The following SLC25A13 variants were observed in gnomAD, a reference collection of about 807,000 sequenced individuals.
The protein encoded by SLC25A13 is electrogenic aspartate/glutamate antiporter SLC25A13, mitochondrial.
A neutral mutation model predicts 85.5 loss-of-function variants in SLC25A13; 70 were observed. The observed-to-expected ratio is 0.82, with a 90% CI of 0.68 to 1.00. SLC25A13 has a LOEUF of 1.00. Among genes scored for constraint, SLC25A13 ranks in the 50% least tolerant of loss-of-function variants. The pLI is 0.00. For missense variants in SLC25A13, 765 were observed against 819.8 expected (o/e 0.93, Z 0.82); for synonymous variants, 259 against 288.7 (o/e 0.90, Z 1.04).
chr7:96,317,613 A>G (rs1800178552), intron 1 of SLC25A13, among the ~76,000 whole-genome samples: 1 of 151,948 alleles, frequency 6.6e-6, no homozygotes, highest in Non-Finnish European at 1.5e-5. Context: ...AGCAATTTTC[A>G]GAAGACTTCC....
At chr7:96,221,906 T>C (rs2116764561) in intron 4 of SLC25A13, among the ~76,000 whole-genome samples, 1 of 152,284 alleles carries the variant, frequency 6.6e-6, no homozygotes, top group East Asian at 1.9e-4. Flanking sequence ...ATCAGAGAAT[T>C]AACTAACTGA....
intron 3 of SLC25A13, among the ~76,000 whole-genome samples, chr7:96,265,496 C>G (rs116752913): frequency 3.9e-5 from 6 of 152,296 alleles, no homozygotes; most frequent in African/African-American, 1.2e-4. Flanking sequence ...AACAACTGCT[C>G]AAGTACTTTT....
chr7:96,314,416 T>TA (rs1472183946), intron 1 of SLC25A13, among the ~76,000 whole-genome samples: 1 of 152,070 alleles, frequency 6.6e-6, no homozygotes, highest in Non-Finnish European at 1.5e-5. Context: ...GCCATGAAAA[T>TA]AGAGTTTGCT....
intron 15 of SLC25A13, among the ~76,000 whole-genome samples, chr7:96,131,187 G>A (rs756016147): frequency 2.0e-5 from 3 of 152,044 alleles, no homozygotes; most frequent in Non-Finnish European, 4.4e-5. Flanking sequence ...ATTTTCTATC[G>A]ATGTTTTCAA....
At chr7:96,217,516 G>C (rs1349329798) in intron 4 of SLC25A13, among the ~76,000 whole-genome samples, 1 of 151,620 alleles carries the variant, frequency 6.6e-6, no homozygotes, top group African/African-American at 2.4e-5. Context: ...AACAAAATGT[G>C]ACCTATCTAT....
At chr7:96,158,770 G>GT (rs1793385001) in intron 13 of SLC25A13, among the ~76,000 whole-genome samples, 1 of 152,212 alleles carries the variant, frequency 6.6e-6, no homozygotes, top group African/African-American at 2.4e-5. Flanking sequence ...AGTAATAAAT[G>GT]TCTAGTGATT....
At chr7:96,304,380 T>G (rs1038426398) in intron 1 of SLC25A13, among the ~76,000 whole-genome samples, 1 of 152,182 alleles carries the variant, frequency 6.6e-6, no homozygotes, top group Non-Finnish European at 1.5e-5. Context: ...ATCAGAAGGA[T>G]TCAGTAGGTT....
intron 1 of SLC25A13, among the ~76,000 whole-genome samples, chr7:96,316,547 A>T (rs908117738): frequency 2.6e-5 from 4 of 152,130 alleles, no homozygotes; most frequent in Admixed American, 2.6e-4. Context: ...AAGAGCAGAG[A>T]CTCTGAAGAC....
intron 11 of SLC25A13, among the ~76,000 whole-genome samples, chr7:96,175,398 A>G (rs1202048985): frequency 6.6e-6 from 1 of 152,232 alleles, no homozygotes; most frequent in East Asian, 1.9e-4. Flanking sequence ...GACAACAGCC[A>G]ATATTTGGGG....
rs568539626 is a variant in SLC25A13, at chr7:96,296,763, G to A, written c.69+135C>T. ...CCCAAAGTGCTGGGATTACAGGCATGAGCCACCGTGCCGGGCTGACACTTT... is the reference window on the plus strand; with the variant it reads ...CCCAAAGTGCTGGGATTACAGGCATAAGCCACCGTGCCGGGCTGACACTTT... On this transcript the variant is annotated intron_variant, in intron 2 of 17. Coordinates refer to ENST00000265631, the MANE Select transcript of SLC25A13 (RefSeq NM_014251.3). 6.0e-6 allele frequency: 5 copies of A among 835,390 alleles called. No individual in the cohort carries two copies. The East Asian group carries it at 1.4e-4, about 24-fold the overall frequency. The allele number at this position is 835,390 out of a possible 1,614,324, so 51.7% of individuals were successfully genotyped here. A position where few individuals can be genotyped will look rare whatever the true frequency, so the allele number is the denominator to read the frequency against.
chr7:96,170,810 C>T (rs1793962580), intron 12 of SLC25A13, among the ~76,000 whole-genome samples: 1 of 152,162 alleles, frequency 6.6e-6, no homozygotes, highest in Non-Finnish European at 1.5e-5. Flanking sequence ...TAGAGTTTTA[C>T]TTTCTGGGGC....
chr7:96,184,817 A>G, intron 10 of SLC25A13, 110 bp downstream of exon 10: 1 of 957,706 alleles, frequency 1.0e-6, no homozygotes, highest in Non-Finnish European at 1.7e-6. Flanking sequence ...GATAACTGGC[A>G]TTGGGAAAGA....
chr7:96,186,030 T>C (rs970368933), intron 9 of SLC25A13, among the ~76,000 whole-genome samples: 3 of 152,236 alleles, frequency 2.0e-5, no homozygotes, highest in Admixed American at 6.5e-5. Context: ...ATACCCAGCC[T>C]GGCAAAAGTT....
At chr7:96,164,244 T>C (rs927511741) in intron 13 of SLC25A13, among the ~76,000 whole-genome samples, 4 of 152,150 alleles carry the variant, frequency 2.6e-5, no homozygotes, top group Admixed American at 6.5e-5. Flanking sequence ...TCTGACACTA[T>C]AGTGTGAGGA....
chr7:96,184,812 C>G (rs1794561760), intron 10 of SLC25A13, 115 bp downstream of exon 10: 2 of 905,902 alleles, frequency 2.2e-6, no homozygotes, highest in Non-Finnish European at 3.6e-6. Context: ...AAACTGATAA[C>G]TGGCATTGGG....
intron 16 of SLC25A13, 25 bp from the exon 17 acceptor site, chr7:96,121,770 G>C: frequency 6.2e-7 from 1 of 1,613,608 alleles, no homozygotes; most frequent in Non-Finnish European, 8.5e-7. Context: ...AGAAATCACA[G>C]ATATAATTAG....
chr7:96,252,949 C>T (rs1464463381), intron 3 of SLC25A13, among the ~76,000 whole-genome samples: 2 of 152,104 alleles, frequency 1.3e-5, no homozygotes, highest in African/African-American at 4.8e-5. Context: ...CAAAAATTAT[C>T]TGGGCATGGT....
At chr7:96,185,610 G>T (rs1463218031) in intron 9 of SLC25A13, among the ~76,000 whole-genome samples, 2 of 148,856 alleles carry the variant, frequency 1.3e-5, no homozygotes, top group Non-Finnish European at 3.0e-5. Context: ...ATAAAAATAG[G>T]TCGGGTACGG....
rs115406428 is a variant in SLC25A13 at position 96,211,237 on chromosome 7, C to A, written c.329-2260G>T. On this transcript the variant is annotated intron_variant, in intron 4 of 17. Transcript: ENST00000265631. The stretch of plus-strand genomic sequence containing the variant: ...TCACATTTGAATCCGAAACTCTAAA[C>A]GCTATAGTTTTTTGGACTACACCAT... 5.4e-3 allele frequency among the ~76,000 whole-genome samples: 824 copies of A among 152,218 alleles called. 8 individuals carry two copies. Among genetic ancestry groups the A allele is most frequent in the African/African-American group, 0.019 (776 of 41,548 alleles).
Sources: allele counts gnomAD v4.1 joint callset (sites outside exome capture counted in the v4.1 genomes callset), GRCh38; gene constraint gnomAD v4.1.1; transcripts MANE v1.5; gene names NCBI Gene and HGNC (gene_info 2026-07-23, HGNC 2026-07-21).